The following AFAP1L2 variants were observed in gnomAD, a reference collection of about 807,000 sequenced individuals.
AFAP1L2 encodes actin filament-associated protein 1-like 2.
Under a neutral mutation model 99.3 loss-of-function variants are expected in AFAP1L2, and 46 were observed. The ratio of observed to expected loss-of-function variants is 0.46; its 90% CI spans 0.37 to 0.59. AFAP1L2 has a LOEUF of 0.59. Ranked by LOEUF, AFAP1L2 falls within the 20% of genes least tolerant of loss-of-function variation. The probability of loss-of-function intolerance (pLI) is 0.00; values close to 1 mark genes in which losing one functional copy is unlikely to be tolerated. For missense variants in AFAP1L2, 959 were observed against 1,034.9 expected, an observed-to-expected ratio of 0.93 and a Z score of 1.01; for synonymous variants, 397 against 419.1, an observed-to-expected ratio of 0.95 and a Z score of 0.64.
At chr10:114,319,025 G>A (rs1001891219) in intron 5 of AFAP1L2, among the ~76,000 whole-genome samples, 6 of 152,050 alleles carry the variant, frequency 3.9e-5, no homozygotes, top group African/African-American at 7.2e-5. Flanking sequence ...ATGGTGATGC[G>A]TGCCTGTAAT....
chr10:114,351,366 A>G (rs1323414831), intron 1 of AFAP1L2, among the ~76,000 whole-genome samples: 1 of 152,224 alleles, frequency 6.6e-6, no homozygotes, highest in Non-Finnish European at 1.5e-5. Context: ...CAGAGAAAAA[A>G]GACATATTAA....
In AFAP1L2 at chr10:114,323,218, G is replaced by A. The variant is rs1002666069; in HGVS notation, c.359C>T (p.Pro120Leu). ...CTCAGCCTCTTCATAGTAGCCCTCT[G>A]GAGACTCCGTCTTTGGGATGGCAAG... ...KQLAIPKTES[P>L]EGYYEEAEPY... Residue 120 changes from proline to leucine, a missense_variant, in exon 5 of 19, where the codon CCA becomes CTA. Coordinates refer to ENST00000304129, the MANE Select transcript of AFAP1L2 (RefSeq NM_001001936.3). 1.2e-6 allele frequency: 2 copies of A among 1,603,410 alleles called. No individual in the cohort carries two copies. Among genetic ancestry groups the A allele is most frequent in the Non-Finnish European group, 8.5e-7 (1 of 1,174,266 alleles).
downstream of AFAP1L2, among the ~76,000 whole-genome samples, chr10:114,294,335 TA>T (rs1458601849): frequency 6.6e-6 from 1 of 152,232 alleles, no homozygotes; most frequent in Admixed American, 6.5e-5. Context: ...ATATTCATAG[TA>T]TTTTTTTATA....
At chr10:114,330,744 T>C (rs4918900) in intron 4 of AFAP1L2, among the ~76,000 whole-genome samples, 89,413 of 152,176 alleles carry the variant, frequency 0.59, 31,028 homozygotes, top group East Asian at 0.92. Context: ...CATTAATGGA[T>C]ATTTAGGTAT....
intron 7 of AFAP1L2, among the ~76,000 whole-genome samples, chr10:114,310,806 A>G (rs917190003): frequency 6.6e-6 from 1 of 152,230 alleles, no homozygotes; most frequent in East Asian, 1.9e-4. Flanking sequence ...GTTCTGTTGC[A>G]GGCGTGATCA....
intron 5 of AFAP1L2, among the ~76,000 whole-genome samples, chr10:114,316,900 A>G (rs2044229880): frequency 6.6e-6 from 1 of 152,138 alleles, no homozygotes; most frequent in Non-Finnish European, 1.5e-5. Context: ...AGGGCTCACT[A>G]TCTCCTGATC....
chr10:114,369,054 C>T (rs1011679317), intron 1 of AFAP1L2, among the ~76,000 whole-genome samples: 9 of 152,140 alleles, frequency 5.9e-5, no homozygotes, highest in African/African-American at 1.7e-4. Flanking sequence ...GGAACAAAAT[C>T]CTATCTTTCA....
At chr10:114,388,110 G>T (rs2056727407) in intron 1 of AFAP1L2, among the ~76,000 whole-genome samples, 1 of 152,170 alleles carries the variant, frequency 6.6e-6, no homozygotes, top group Non-Finnish European at 1.5e-5. Context: ...AAAATAGATG[G>T]ATCCAAGGTG....
intron 1 of AFAP1L2, among the ~76,000 whole-genome samples, chr10:114,392,144 G>A (rs921886942): frequency 3.9e-5 from 6 of 152,194 alleles, no homozygotes; most frequent in South Asian, 2.1e-4. Context: ...CCAGCACTTT[G>A]GGAGGCTGAG....
chr10:114,291,964 AC>A (rs1384621147), downstream of AFAP1L2, among the ~76,000 whole-genome samples: 2 of 152,152 alleles, frequency 1.3e-5, no homozygotes, highest in African/African-American at 4.8e-5. Flanking sequence ...AGCAGTGTCC[AC>A]CTGAAGGGTC....
intron 4 of AFAP1L2, among the ~76,000 whole-genome samples, chr10:114,327,168 TATA>T (rs1375035803): frequency 3.8e-5 from 3 of 79,958 alleles, no homozygotes; most frequent in African/African-American, 1.0e-4. Context: ...TATATATATA[TATA>T]TATTTTTTTT....
chr10:114,302,590 G>A (rs1394507642), intron 11 of AFAP1L2, 106 bp from the exon 12 acceptor site: 6 of 1,422,174 alleles, frequency 4.2e-6, no homozygotes, highest in East Asian at 2.3e-5. Flanking sequence ...GCCTGCCCAC[G>A]AAAGCCTCTG....
chr10:114,377,499 G>C lies in AFAP1L2; in HGVS notation c.16+26941C>G, dbSNP rs1455006326. Among the ~76,000 whole-genome samples, 1 of 152,196 alleles carries C rather than the reference G, an allele frequency of 6.6e-6. No individual in the cohort carries two copies. The highest frequency in any genetic ancestry group is 1.5e-5 in the Non-Finnish European group (1 of 68,044). ...TTTGTTGACTGATTGCTGTATCATA[G>C]ACACTGTACCATATGCCATATGTAC... On this transcript the variant is annotated intron_variant, in intron 1 of 18. Transcript: ENST00000304129. This position sits in a 1 kb window ranked among gnomAD's most constrained non-coding sequence, Gnocchi z 4.0.
chr10:114,289,551 C>T, the AFAP1L2 span: 1 of 1,574,530 alleles, frequency 6.4e-7, no homozygotes, highest in Non-Finnish European at 8.7e-7. Context: ...CCTGAGCCTT[C>T]ACATACATCA....
chr10:114,304,922 T>G lies in AFAP1L2; in HGVS notation c.1081A>C (p.Asn361His), dbSNP rs779561665. The change falls in exon 11 of 19, where the codon AAC (asparagine) becomes CAC (histidine). Residue 361 changes from asparagine to histidine, a missense_variant. Asn to His is a moderately conservative substitution (Grantham distance 68). Transcript: ENST00000304129. ...TTCCACTGGCTGTTCACCAGCACGTTCAGGTAACCTGCAGGAGGAAGTGCA... is the reference window on the plus strand; with the variant it reads ...TTCCACTGGCTGTTCACCAGCACGTGCAGGTAACCTGCAGGAGGAAGTGCA... ...ERSLETSSYL[N>H]VLVNSQWKSR... 2.5e-6 allele frequency: 4 copies of G among 1,611,820 alleles called. No homozygotes were observed. Among genetic ancestry groups the G allele is most frequent in the Non-Finnish European group, 3.4e-6 (4 of 1,179,742 alleles).
chr10:114,355,493 C>T (rs1379778363), intron 1 of AFAP1L2, among the ~76,000 whole-genome samples: 1 of 151,656 alleles, frequency 6.6e-6, no homozygotes, highest in Non-Finnish European at 1.5e-5. Context: ...AAACTATGGG[C>T]ATAGTCTTTT....
At chr10:114,358,506 A>G (rs1443309580) in intron 1 of AFAP1L2, among the ~76,000 whole-genome samples, 1 of 152,050 alleles carries the variant, frequency 6.6e-6, no homozygotes, top group East Asian at 1.9e-4. Flanking sequence ...AATTCAAATC[A>G]CTCTAACTCC....
At chr10:114,324,927 G>A (rs908416617) in intron 4 of AFAP1L2, among the ~76,000 whole-genome samples, 6 of 152,232 alleles carry the variant, frequency 3.9e-5, no homozygotes, top group Non-Finnish European at 7.3e-5. Context: ...CCAGGAGACA[G>A]TGGGAGGACA....
intron 4 of AFAP1L2, among the ~76,000 whole-genome samples, chr10:114,326,886 A>C (rs2046367331): frequency 6.6e-6 from 1 of 151,756 alleles, no homozygotes; most frequent in South Asian, 2.1e-4. Flanking sequence ...AAAAATAAGA[A>C]AGGGAGAAAA....
Sources: gnomAD v4.1 joint callset for allele counts (sites outside exome capture counted in the v4.1 genomes callset) on GRCh38, gnomAD v4.1.1 for gene constraint, Gnocchi (gnomAD v3.1) non-coding constraint, MANE v1.5 for transcripts, NCBI Gene and HGNC (gene_info 2026-07-23, HGNC 2026-07-21) for gene names.